SLC25A27: variants seen among roughly 807,000 people sequenced by gnomAD.
SLC25A27 encodes the protein mitochondrial uncoupling protein 4.
SLC25A27 carries 35 observed loss-of-function variants against 49.1 expected under a neutral mutation model. The ratio of observed to expected loss-of-function variants is 0.71; its 90% confidence interval spans 0.54 to 0.95. The LOEUF (loss-of-function observed/expected upper bound fraction) is 0.95. Ranked by LOEUF, SLC25A27 falls within the 40% of genes least tolerant of loss-of-function variation. The pLI is 0.00. For missense variants in SLC25A27, 339 were observed against 397.1 expected (o/e 0.85, Z 1.24); for synonymous variants, 144 against 136.9 (o/e 1.05, Z -0.36).
chr6:46,670,800 G>C (rs1318863567), intron 7 of SLC25A27, among the ~76,000 whole-genome samples: 1 of 152,004 alleles, frequency 6.6e-6, no homozygotes, highest in Non-Finnish European at 1.5e-5. Flanking sequence ...GCAGTGGCGT[G>C]ATCTCCCGCT....
Position 46,653,110 on chromosome 6 carries a change from C to A in SLC25A27, c.-83C>A, listed in dbSNP as rs940015784. 14 of 1,344,136 alleles carry A rather than the reference C, an allele frequency of 1.0e-5. No individual in the cohort carries two copies. Among genetic ancestry groups the A allele is most frequent in the Non-Finnish European group, 1.5e-5 (14 of 955,480 alleles). The allele number at this position is 1,344,136 out of a possible 1,614,324, so 83.3% of individuals were successfully genotyped here. ...GGCCACTCGCCGGTTGAAAAGGGGCCGCCCTGGCAGGGAAGCGGCCGCCGC... is the reference window on the plus strand; with the variant it reads ...GGCCACTCGCCGGTTGAAAAGGGGCAGCCCTGGCAGGGAAGCGGCCGCCGC... On this transcript the variant is annotated 5_prime_UTR_variant, in exon 1 of 9. Coordinates refer to ENST00000371347, the MANE Select transcript of SLC25A27 (RefSeq NM_004277.5).
chr6:46,673,687 T>C (rs185560843), intron 8 of SLC25A27, among the ~76,000 whole-genome samples: 66 of 151,428 alleles, frequency 4.4e-4, no homozygotes, highest in African/African-American at 1.5e-3. Flanking sequence ...ATAGGGGAGG[T>C]GGTAGGAGAT....
Position 46,668,744 on chromosome 6 carries a change from G to T in SLC25A27, c.655G>T (p.Val219Leu). ...TTYDTVKHYLVLNTPLEDNIM... is the reference protein window; with the variant it reads ...TTYDTVKHYLLLNTPLEDNIM... ...TTATGATACAGTGAAACACTACTTG[G>T]TATTGAATACACCACTTGAGGACAA... The change falls in exon 6 of 9, where the codon GTA becomes TTA. Residue 219 changes from valine to leucine, a missense_variant. Coordinates refer to ENST00000371347, the MANE Select transcript of SLC25A27 (RefSeq NM_004277.5). The T allele has an allele frequency of 6.2e-7, 1 of 1,609,574 alleles. No homozygotes were observed. The highest frequency in any genetic ancestry group is 8.5e-7 in the Non-Finnish European group (1 of 1,176,482).
intron 7 of SLC25A27, 46 bp from the exon 8 acceptor site, chr6:46,671,080 T>A: frequency 7.7e-7 from 1 of 1,293,864 alleles, no homozygotes; most frequent in South Asian, 1.3e-5. Flanking sequence ...TACATATATA[T>A]TTTTTTACAC....
rs567026676 is a variant in SLC25A27 at position 46,676,556 on chromosome 6, A to G, written c.*102A>G. ...ATTATTTCTACCTCTTTAGGAAGAC[A>G]CCTATTCCACAGAGACTGATTTATA... On this transcript the variant is annotated 3_prime_UTR_variant, in exon 9 of 9. Transcript: ENST00000371347. 4.4e-6 allele frequency: 7 copies of G among 1,599,528 alleles called. No homozygotes were observed. The highest frequency in any genetic ancestry group is 1.7e-4 in the Middle Eastern group (1 of 6,042).
intron 5 of SLC25A27, among the ~76,000 whole-genome samples, chr6:46,667,643 G>A (rs1336493325): frequency 6.6e-6 from 1 of 152,118 alleles, no homozygotes; most frequent in Non-Finnish European, 1.5e-5. Context: ...TATCTACAGG[G>A]TTGTTTTCTC....
At position 46,676,732 on chromosome 6, in the gene SLC25A27, T is replaced by C. The variant is rs1763808758; in HGVS notation, c.*278T>C. 1 of 1,527,216 alleles carries C rather than the reference T, an allele frequency of 6.5e-7. No individual in the cohort carries two copies. Among genetic ancestry groups the C allele is most frequent in the South Asian group, 1.2e-5 (1 of 83,578 alleles). The allele number at this position is 1,527,216 out of a possible 1,614,324, so 94.6% of individuals were successfully genotyped here. ...GAATCGAAGCCTGACCACTTTCACC[T>C]TGGGCAAGAAGGTTTGGCCTTTGAG... is the stretch of plus-strand genomic sequence containing the variant. On this transcript the variant is annotated 3_prime_UTR_variant, in exon 9 of 9. Coordinates refer to ENST00000371347, the MANE Select transcript of SLC25A27 (RefSeq NM_004277.5).
intron 6 of SLC25A27, among the ~76,000 whole-genome samples, chr6:46,669,922 C>A (rs58129881): frequency 4.6e-5 from 7 of 152,300 alleles, no homozygotes; most frequent in African/African-American, 1.7e-4. Context: ...ATGCTTGACA[C>A]CAGCAGGTGC....
chr6:46,660,255 TA>T (rs1763123228), intron 3 of SLC25A27, among the ~76,000 whole-genome samples: 1 of 151,176 alleles, frequency 6.6e-6, no homozygotes, highest in African/African-American at 2.4e-5. Context: ...TGTGTGTGTA[TA>T]GAGAGAGAGA....
intron 1 of SLC25A27, among the ~76,000 whole-genome samples, chr6:46,655,241 T>C (rs1413685231): frequency 6.6e-6 from 1 of 152,216 alleles, no homozygotes; most frequent in Non-Finnish European, 1.5e-5. Flanking sequence ...TTACATCTTC[T>C]GTATCTCAAA....
intron 7 of SLC25A27, 168 bp downstream of exon 7, chr6:46,670,395 A>C (rs1294764121): frequency 7.5e-5 from 43 of 574,104 alleles, no homozygotes; most frequent in Non-Finnish European, 2.1e-5. Flanking sequence ...AAAAAGTGAC[A>C]TGCATTTGGG....
chr6:46,665,422 A>G (rs921911558), intron 5 of SLC25A27, among the ~76,000 whole-genome samples: 10 of 151,984 alleles, frequency 6.6e-5, no homozygotes, highest in African/African-American at 2.2e-4. Context: ...GCGGTGGCTC[A>G]CACCTGTAAT....
chr6:46,659,140 T>G, intron 3 of SLC25A27, 94 bp downstream of exon 3: 1 of 803,038 alleles, frequency 1.2e-6, no homozygotes, highest in Non-Finnish European at 2.1e-6. Flanking sequence ...CCAAATTGCC[T>G]TAAGTTATGG....
intron 4 of SLC25A27, 36 bp from the exon 5 acceptor site, chr6:46,664,738 C>A: frequency 8.4e-7 from 1 of 1,195,668 alleles, no homozygotes. Flanking sequence ...CACAGGAATA[C>A]ATGGAGTTTT....
chr6:46,671,153 C>A lies in SLC25A27; in HGVS notation c.825C>A (p.Asp275Glu). ...GACTTTTGTATAAATCATCGACTGA[C>A]TGCTTGATTCAGGCTGTTCAAGGTG... Reference protein sequence around the residue: ...GRGLLYKSSTDCLIQAVQGEG... With the variant: ...GRGLLYKSSTECLIQAVQGEG... The change falls in exon 8 of 9, where the codon GAC becomes GAA. Residue 275 changes from aspartate (D) to glutamate (E), a missense_variant. Coordinates refer to ENST00000371347, the MANE Select transcript of SLC25A27 (RefSeq NM_004277.5). The A allele has an allele frequency of 1.9e-6, 3 of 1,600,614 alleles. No homozygotes were observed. Among genetic ancestry groups the A allele is most frequent in the Non-Finnish European group, 2.6e-6 (3 of 1,174,710 alleles).
In SLC25A27 at chr6:46,676,810, C is replaced by T. The variant is rs1196044923; in HGVS notation, c.*356C>T. ...TAGAGGAGGAGTACCAGGAGGGAGC[C>T]AGCATTTCAGATCTGAAGTAGACGA... On this transcript the variant is annotated 3_prime_UTR_variant, in exon 9 of 9. Coordinates refer to ENST00000371347, the MANE Select transcript of SLC25A27 (RefSeq NM_004277.5). 2 of 799,222 alleles carry T rather than the reference C, an allele frequency of 2.5e-6. No individual in the cohort carries two copies. The highest frequency in any genetic ancestry group is 4.2e-6 in the Non-Finnish European group (2 of 476,498). 49.5% of individuals were successfully genotyped at this position (799,222 alleles called of 1,614,324 possible). A position where few individuals can be genotyped will look rare whatever the true frequency, so the allele number is the denominator to read the frequency against.
rs183525150 is a variant in SLC25A27 at position 46,674,340 on chromosome 6, A to T, written c.901-2043A>T. 2.1e-4 allele frequency among the ~76,000 whole-genome samples: 32 copies of T among 152,322 alleles called. No individual in the cohort carries two copies. In the East Asian group the frequency reaches 5.0e-3, roughly 24 times the overall value. On this transcript the variant is annotated intron_variant, in intron 8 of 8. Coordinates refer to ENST00000371347, the MANE Select transcript of SLC25A27 (RefSeq NM_004277.5). ...GAGTATAAGAAGCTTGCCCAAGTTC[A>T]TGTAGCTAGTATGTGGCAGAGCTGG...
intron 2 of SLC25A27, chr6:46,658,749 G>C: frequency 1.8e-6 from 1 of 564,698 alleles, no homozygotes. Context: ...AGAAAGATCA[G>C]ACAGTGTGTG....
At chr6:46,669,002 C>T (rs927179748) in intron 6 of SLC25A27, among the ~76,000 whole-genome samples, 5 of 152,130 alleles carry the variant, frequency 3.3e-5, no homozygotes, top group Non-Finnish European at 5.9e-5. Flanking sequence ...TGGATTAAAC[C>T]TCTCAAAATA....
Sources: gnomAD v4.1 joint callset for allele counts (sites outside exome capture counted in the v4.1 genomes callset) on GRCh38, gnomAD v4.1.1 for gene constraint, MANE v1.5 for transcripts, NCBI Gene and HGNC (gene_info 2026-07-23, HGNC 2026-07-21) for gene names.